TOX2: variants seen among roughly 807,000 people sequenced by gnomAD.
The protein encoded by TOX2 is TOX high mobility group box family member 2.
In TOX2, 15 loss-of-function variants were observed where a neutral mutation model predicts 47.4. The ratio of observed to expected loss-of-function variants is 0.32; its 90% confidence interval spans 0.21 to 0.49. TOX2 has a LOEUF of 0.49. Among genes scored for constraint, TOX2 ranks in the 20% least tolerant of loss-of-function variants. The pLI is 0.99. For synonymous variants in TOX2, 290 were observed against 296.6 expected, an observed-to-expected ratio of 0.98 and a Z score of 0.23; for missense variants, 622 against 673.1, an observed-to-expected ratio of 0.92 and a Z score of 0.84.
intron 6 of TOX2, 121 bp from the exon 7 acceptor site, chr20:44,065,591 C>G (rs1476662406): frequency 1.6e-6 from 2 of 1,227,890 alleles, no homozygotes; most frequent in Admixed American, 4.6e-5. Context: ...AGTCCAAGCT[C>G]TCTCCCAAGA....
chr20:44,014,128 C>CAAAA (rs55721806), intron 3 of TOX2, among the ~76,000 whole-genome samples: 5 of 53,554 alleles, frequency 9.3e-5, no homozygotes, highest in Non-Finnish European at 1.6e-4. Context: ...GAGACTATCT[C>CAAAA]AAAAAAAAAA....
At chr20:43,945,730 C>T (rs2069458099) in intron 1 of TOX2, 1 of 873,246 alleles carries the variant, frequency 1.1e-6, no homozygotes, top group Non-Finnish European at 1.7e-6. Context: ...CACGCAGGCC[C>T]AAATTGGAAT....
intron 1 of TOX2, among the ~76,000 whole-genome samples, chr20:43,917,585 C>A (rs930477243): frequency 6.6e-6 from 1 of 152,164 alleles, no homozygotes; most frequent in Admixed American, 6.5e-5. Context: ...GGGCAGTTGA[C>A]CTGGAAGGGC....
At chr20:44,061,822 G>A (rs1277198687) in intron 5 of TOX2, among the ~76,000 whole-genome samples, 1 of 152,210 alleles carries the variant, frequency 6.6e-6, no homozygotes, top group East Asian at 1.9e-4. Flanking sequence ...TGCAGGGATG[G>A]TTTAACATAC....
intron 1 of TOX2, among the ~76,000 whole-genome samples, chr20:43,972,719 C>T (rs928111860): frequency 6.6e-6 from 1 of 152,256 alleles, no homozygotes. Context: ...TTCCCCTGCA[C>T]CTGCTCCTGA....
chr20:43,998,184 A>AACTT (rs1239068687), intron 2 of TOX2, among the ~76,000 whole-genome samples: 2 of 152,180 alleles, frequency 1.3e-5, no homozygotes, highest in African/African-American at 2.4e-5. Context: ...ATCTTGTGAG[A>AACTT]ACTTACTTAC....
chr20:43,942,719 A>G (rs564696695), intron 1 of TOX2, among the ~76,000 whole-genome samples: 2 of 152,246 alleles, frequency 1.3e-5, no homozygotes, highest in Non-Finnish European at 2.9e-5. Context: ...AAAGAAAAGA[A>G]AAAAGAAAAC....
chr20:44,004,573 A>G (rs2070644711), intron 2 of TOX2, among the ~76,000 whole-genome samples: 1 of 152,188 alleles, frequency 6.6e-6, no homozygotes, highest in African/African-American at 2.4e-5. Flanking sequence ...GTGGCAAGGC[A>G]CTTACCCTCT....
At chr20:43,976,069 G>C (rs956237505) in intron 2 of TOX2, among the ~76,000 whole-genome samples, 2 of 152,248 alleles carry the variant, frequency 1.3e-5, no homozygotes, top group Non-Finnish European at 2.9e-5. Flanking sequence ...AGTCTAGCCA[G>C]TGGCATGAGC....
At chr20:44,005,888 A>G (rs1262626398) in intron 2 of TOX2, among the ~76,000 whole-genome samples, 2 of 151,888 alleles carry the variant, frequency 1.3e-5, no homozygotes, top group Non-Finnish European at 2.9e-5. Context: ...GTCTGTTCTC[A>G]CCATTTCTAT....
At chr20:44,062,089 G>A (rs537195000) in intron 5 of TOX2, among the ~76,000 whole-genome samples, 2 of 150,830 alleles carry the variant, frequency 1.3e-5, no homozygotes, top group African/African-American at 2.4e-5. Context: ...CCATTTATTC[G>A]ATGCAGTACT....
chr20:44,010,356 C>G (rs947215947), intron 3 of TOX2, among the ~76,000 whole-genome samples: 112 of 152,190 alleles, frequency 7.4e-4, no homozygotes, highest in Non-Finnish European at 2.2e-4. Context: ...AAAAGTAGCT[C>G]ATGTTTAAGA....
chr20:43,943,543 G>A (rs904930617), intron 1 of TOX2, among the ~76,000 whole-genome samples: 1 of 152,206 alleles, frequency 6.6e-6, no homozygotes, highest in Non-Finnish European at 1.5e-5. Context: ...ACCTCTGTGT[G>A]TAAGCTGGGC....
At chr20:44,049,865 A>G (rs2071477829) in intron 3 of TOX2, among the ~76,000 whole-genome samples, 1 of 152,004 alleles carries the variant, frequency 6.6e-6, no homozygotes, top group Admixed American at 6.5e-5. Flanking sequence ...ATAGGTATGT[A>G]CCACATTTTC....
chr20:43,953,456 C>G (rs899415221), intron 1 of TOX2, among the ~76,000 whole-genome samples: 1 of 152,168 alleles, frequency 6.6e-6, no homozygotes, highest in Non-Finnish European at 1.5e-5. Context: ...ATAGTCCTTC[C>G]ACTCCCAACC....
intron 2 of TOX2, among the ~76,000 whole-genome samples, chr20:43,978,377 C>T (rs1490411237): frequency 6.6e-6 from 1 of 152,164 alleles, no homozygotes; most frequent in East Asian, 1.9e-4. Context: ...CTTCTAAGAG[C>T]CCTCTTCAAG....
chr20:43,988,202 G>A (rs1248179095), intron 2 of TOX2, among the ~76,000 whole-genome samples: 1 of 152,180 alleles, frequency 6.6e-6, no homozygotes, highest in Non-Finnish European at 1.5e-5. Context: ...ACAGGCGTGA[G>A]CCACCGCACC....
At chr20:43,978,799 A>T (rs1003145394) in intron 2 of TOX2, among the ~76,000 whole-genome samples, 1 of 119,984 alleles carries the variant, frequency 8.3e-6, no homozygotes, top group Non-Finnish European at 1.8e-5. Flanking sequence ...GTGTGTGTGT[A>T]TTAGAGTCAG....
chr20:43,963,194 G>C (rs1439904449), intron 1 of TOX2, among the ~76,000 whole-genome samples: 1 of 152,088 alleles, frequency 6.6e-6, no homozygotes, highest in East Asian at 1.9e-4. Flanking sequence ...CCACCTCCCA[G>C]AGGAGCCCAG....
Sources: allele counts gnomAD v4.1 joint callset (sites outside exome capture counted in the v4.1 genomes callset), GRCh38; gene constraint gnomAD v4.1.1; transcripts MANE v1.5; gene names NCBI Gene and HGNC (gene_info 2026-07-23, HGNC 2026-07-21).